The following BTD variants were observed in gnomAD, a reference collection of about 807,000 sequenced individuals.
BTD encodes biotinidase, also known as biocytinase.
BTD carries 13 observed loss-of-function variants against 17.7 expected under a neutral mutation model. The observed-to-expected ratio is 0.74, with a 90% confidence interval of 0.48 to 1.17. The LOEUF is 1.17. Ranked by LOEUF, BTD falls within the 50% of genes most tolerant of loss-of-function variation. The pLI is 0.00. For synonymous variants in BTD, 240 were observed against 245.2 expected (o/e 0.98, Z 0.20); for missense variants, 674 against 650.4 (o/e 1.04, Z -0.39).
intron 1 of BTD, among the ~76,000 whole-genome samples, chr3:15,624,628 T>G (rs1342708262): frequency 1.2e-5 from 1 of 85,048 alleles, no homozygotes; most frequent in East Asian, 3.3e-4. Flanking sequence ...TTGGCTGTTG[T>G]TTTTTTTTTC....
At chr3:15,716,257 C>T (rs1403465590), downstream of BTD, among the ~76,000 whole-genome samples, 1 of 149,890 alleles carries the variant, frequency 6.7e-6, no homozygotes, top group African/African-American at 2.5e-5. Context: ...GCTAGGATTA[C>T]AGGCATGAGC....
intron 3 of BTD, chr3:15,668,337 A>G (rs1305209967): frequency 1.3e-5 from 2 of 152,082 alleles, no homozygotes; most frequent in Non-Finnish European, 2.9e-5. Flanking sequence ...ACATATGTAT[A>G]CTTTTAGAAT....
intron 3 of BTD, chr3:15,678,174 C>T (rs371765070): frequency 3.2e-6 from 5 of 1,569,610 alleles, no homozygotes; most frequent in African/African-American, 1.4e-5. Context: ...GATACACATA[C>T]TTAGGAAAAT....
At chr3:15,670,946 A>C (rs1367121228) in intron 3 of BTD, among the ~76,000 whole-genome samples, 1 of 152,234 alleles carries the variant, frequency 6.6e-6, no homozygotes, top group Non-Finnish European at 1.5e-5. Flanking sequence ...ATCAGTGTCA[A>C]GGTAAGAAAA....
At chr3:15,719,929 A>T (rs1273408226) in intron 4 of BTD, among the ~76,000 whole-genome samples, 1 of 152,058 alleles carries the variant, frequency 6.6e-6, no homozygotes, top group Non-Finnish European at 1.5e-5. Context: ...GGAGGGCAGT[A>T]GCATGATCTC....
intron 3 of BTD, among the ~76,000 whole-genome samples, chr3:15,662,279 A>G (rs1269019179): frequency 6.6e-6 from 1 of 152,094 alleles, no homozygotes; most frequent in Non-Finnish European, 1.5e-5. Context: ...TTTTTCTTTG[A>G]TTTCTACCAA....
At chr3:15,639,319 T>C (rs2065439524) in intron 2 of BTD, among the ~76,000 whole-genome samples, 1 of 151,906 alleles carries the variant, frequency 6.6e-6, no homozygotes. Flanking sequence ...TAAAGAAAAA[T>C]GTCTATCCAA....
chr3:15,620,432 A>C (rs2064917155), intron 1 of BTD, among the ~76,000 whole-genome samples: 1 of 152,236 alleles, frequency 6.6e-6, no homozygotes, highest in Admixed American at 6.5e-5. Flanking sequence ...GGCTCTCTGC[A>C]AGAAGAAAAA....
chr3:15,670,052 G>A (rs1263553359), intron 3 of BTD: 2 of 520,496 alleles, frequency 3.8e-6, no homozygotes, highest in South Asian at 2.9e-5. Flanking sequence ...TGACATCAAT[G>A]TGTTTTCCTC....
At chr3:15,694,936 G>C in intron 3 of BTD, 2 of 917,918 alleles carry the variant, frequency 2.2e-6, no homozygotes, top group Non-Finnish European at 1.7e-6. Context: ...TATAAAACAT[G>C]ATTATTATGA....
At chr3:15,684,713 CT>C (rs2067909062) in intron 3 of BTD, 1 of 153,106 alleles carries the variant, frequency 6.5e-6, no homozygotes, top group African/African-American at 2.5e-5. Flanking sequence ...TAGTGGGACT[CT>C]TAAAAAAAAA....
chr3:15,658,920 AC>A, intron 3 of BTD, among the ~76,000 whole-genome samples: 1 of 152,262 alleles, frequency 6.6e-6, no homozygotes, highest in East Asian at 1.9e-4. Flanking sequence ...CAAAAATCAT[AC>A]AGGTTGTCCT....
At chr3:15,710,373 C>G (rs1173220631) in exon 4 of BTD, among the ~76,000 whole-genome samples, 1 of 152,254 alleles carries the variant, frequency 6.6e-6, no homozygotes, top group South Asian at 2.1e-4. Flanking sequence ...ATCAGACACT[C>G]AAGTCTGTTG....
chr3:15,618,689 C>A (rs1467152712), intron 1 of BTD, among the ~76,000 whole-genome samples: 1 of 152,038 alleles, frequency 6.6e-6, no homozygotes, highest in Non-Finnish European at 1.5e-5. Flanking sequence ...CCACACCTGG[C>A]TAATGTTTTG....
intron 3 of BTD, among the ~76,000 whole-genome samples, chr3:15,703,005 G>A (rs1389554667): frequency 6.6e-6 from 1 of 152,150 alleles, no homozygotes. Flanking sequence ...GCACAGAGAG[G>A]TTAAGTAATT....
intron 1 of BTD, among the ~76,000 whole-genome samples, chr3:15,633,501 G>A (rs914726775): frequency 2.0e-5 from 3 of 152,218 alleles, no homozygotes; most frequent in Non-Finnish European, 2.9e-5. Context: ...ATACCTTGCG[G>A]ATTTTGCGGT....
At chr3:15,706,643 T>G (rs1187968654) in intron 3 of BTD, among the ~76,000 whole-genome samples, 1 of 152,166 alleles carries the variant, frequency 6.6e-6, no homozygotes, top group Non-Finnish European at 1.5e-5. Flanking sequence ...TTTCTAGTTC[T>G]AGATCCTTGA....
Position 15,661,122 on chromosome 3 carries a change from C to T in BTD, c.399+19065C>T, listed in dbSNP as rs530316072. Among the ~76,000 whole-genome samples the T allele has an allele frequency of 6.1e-4, 93 of 151,686 alleles. No individual in the cohort carries two copies. In the South Asian group the frequency reaches 0.019, roughly 30 times the overall value. On this transcript the variant is annotated intron_variant, in intron 3 of 3. Coordinates refer to the BTD transcript ENST00000672141. ...CTCTACTAAAAATACAAAAATTAGC[C>T]GGGCGTGGTGGTGCATGCCTGTAAT...
intron 3 of BTD, among the ~76,000 whole-genome samples, chr3:15,688,750 G>A (rs1393969): frequency 0.47 from 70,844 of 152,038 alleles, 19,392 homozygotes; most frequent in Non-Finnish European, 0.6. Context: ...CCAGTGATAC[G>A]CAGTGGGTAG....
Sources: gnomAD v4.1 joint callset for allele counts (sites outside exome capture counted in the v4.1 genomes callset) on GRCh38, gnomAD v4.1.1 for gene constraint, MANE v1.5 for transcripts, NCBI Gene and HGNC (gene_info 2026-07-23, HGNC 2026-07-21) for gene names.